Variants in ITGA9 observed in about 807,000 individuals in gnomAD.
ITGA9 encodes integrin subunit alpha 9, also known as integrin alpha-9.
A neutral mutation model predicts 127.8 loss-of-function variants in ITGA9; 56 were observed. The ratio of observed to expected loss-of-function variants is 0.44; its 90% CI spans 0.35 to 0.55. ITGA9 has a LOEUF of 0.55. ITGA9 is among the 20% of genes least tolerant of loss of function. ITGA9 has a pLI of 0.00. For missense variants in ITGA9, 1,196 were observed against 1,347.1 expected (o/e 0.89, Z 1.76); for synonymous variants, 508 against 514.5 (o/e 0.99, Z 0.17).
chr3:37,708,701 A>G (rs1037360792), intron 18 of ITGA9, among the ~76,000 whole-genome samples: 7 of 92 alleles, frequency 0.076, no homozygotes, highest in South Asian at 0.4. Flanking sequence ...TCCAGCCCCA[A>G]TGCCAACAGC....
intron 4 of ITGA9, among the ~76,000 whole-genome samples, chr3:37,482,490 GCT>G (rs1262858445): frequency 6.6e-6 from 1 of 152,186 alleles, no homozygotes; most frequent in Non-Finnish European, 1.5e-5. Flanking sequence ...TTTTGGGTAA[GCT>G]GGAACCTGCT....
Position 37,512,451 on chromosome 3 carries a change from C to T in ITGA9, c.898-1312C>T, listed in dbSNP as rs558768767. On this transcript the variant is annotated intron_variant, in intron 8 of 27. Transcript: ENST00000264741. Reference sequence around the variant, plus strand: ...GCCAGGCTGGTCTCGAACTCCTGGCCTTGTGATCCACCCGCCTCCCAAAGT... The same window carrying T: ...GCCAGGCTGGTCTCGAACTCCTGGCTTTGTGATCCACCCGCCTCCCAAAGT... Among the ~76,000 whole-genome samples, 197 of 151,852 alleles carry T rather than the reference C, an allele frequency of 1.3e-3. 1 individual carries two copies. Among genetic ancestry groups the T allele is most frequent in the African/African-American group, 4.7e-3 (193 of 41,338 alleles).
intron 19 of ITGA9, chr3:37,733,138 C>T: frequency 2.8e-6 from 1 of 358,726 alleles, no homozygotes; most frequent in South Asian, 2.3e-5. Flanking sequence ...CTCTTTGAGT[C>T]CCCTAGACAA....
At chr3:37,797,426 C>T (rs2125559728) in intron 26 of ITGA9, among the ~76,000 whole-genome samples, 1 of 152,224 alleles carries the variant, frequency 6.6e-6, no homozygotes, top group African/African-American at 2.4e-5. Flanking sequence ...CCATTGTATA[C>T]ACTGGGATGC....
chr3:37,472,759 T>C (rs1006935341), intron 2 of ITGA9, among the ~76,000 whole-genome samples: 26 of 152,290 alleles, frequency 1.7e-4, no homozygotes, highest in Non-Finnish European at 2.6e-4. Context: ...AAAAAGAGGT[T>C]TGTGAACTGT....
chr3:37,684,272 T>C (rs1428136251), intron 18 of ITGA9, among the ~76,000 whole-genome samples: 1 of 152,194 alleles, frequency 6.6e-6, no homozygotes, highest in African/African-American at 2.4e-5. Context: ...TCTTGTGGAA[T>C]CCTCTCCCTA....
chr3:37,767,089 C>T (rs558724685), intron 23 of ITGA9, among the ~76,000 whole-genome samples: 17 of 152,280 alleles, frequency 1.1e-4, no homozygotes, highest in African/African-American at 2.6e-4. Flanking sequence ...GCCTGTCACA[C>T]GCAAAGGAAG....
chr3:37,539,883 A>G (rs914496433), intron 14 of ITGA9, among the ~76,000 whole-genome samples: 1 of 152,126 alleles, frequency 6.6e-6, no homozygotes, highest in African/African-American at 2.4e-5. Flanking sequence ...CCCCACATCA[A>G]GGGGCAAGGG....
At chr3:37,517,735 G>GA in intron 10 of ITGA9, 126 bp downstream of exon 10, 1 of 743,642 alleles carries the variant, frequency 1.3e-6, no homozygotes, top group Non-Finnish European at 2.4e-6. Flanking sequence ...GATCCCCTTC[G>GA]AAGGCCCATC....
chr3:37,645,066 G>A (rs1438681265), intron 16 of ITGA9, among the ~76,000 whole-genome samples: 1 of 152,064 alleles, frequency 6.6e-6, no homozygotes, highest in East Asian at 1.9e-4. Context: ...TTACACTCAG[G>A]TCATGGTATT....
At chr3:37,586,266 C>T (rs1001636087) in intron 15 of ITGA9, among the ~76,000 whole-genome samples, 13 of 152,218 alleles carry the variant, frequency 8.5e-5, no homozygotes, top group African/African-American at 2.9e-4. Context: ...CCCAAGCAAA[C>T]AGCCTTTAGC....
intron 15 of ITGA9, among the ~76,000 whole-genome samples, chr3:37,572,304 A>G (rs1226140539): frequency 2.0e-5 from 3 of 152,172 alleles, no homozygotes; most frequent in Non-Finnish European, 4.4e-5. Context: ...GTTCCCAACA[A>G]TTAGATAGGA....
intron 18 of ITGA9, among the ~76,000 whole-genome samples, chr3:37,728,612 T>C (rs1276859829): frequency 2.0e-5 from 3 of 152,280 alleles, no homozygotes; most frequent in East Asian, 3.9e-4. Flanking sequence ...GCAACCTTTA[T>C]AAACTGCAGT....
intron 22 of ITGA9, among the ~76,000 whole-genome samples, chr3:37,744,994 C>T (rs956132477): frequency 2.6e-5 from 4 of 152,194 alleles, no homozygotes; most frequent in Non-Finnish European, 5.9e-5. Flanking sequence ...GTCCATATCT[C>T]CTCACTCTCT....
At chr3:37,706,560 C>T (rs1008961425) in intron 18 of ITGA9, among the ~76,000 whole-genome samples, 2 of 152,126 alleles carry the variant, frequency 1.3e-5, no homozygotes, top group Non-Finnish European at 2.9e-5. Flanking sequence ...AAATGCTTAC[C>T]TATAGGACAG....
intron 23 of ITGA9, among the ~76,000 whole-genome samples, chr3:37,767,463 C>A (rs1043786706): frequency 2.0e-5 from 3 of 152,180 alleles, no homozygotes; most frequent in African/African-American, 4.8e-5. Context: ...AAGTTACGAT[C>A]TTTTCCTTTC....
chr3:37,499,915 A>C (rs1475418208), intron 5 of ITGA9, among the ~76,000 whole-genome samples: 11 of 152,212 alleles, frequency 7.2e-5, no homozygotes. Context: ...AGTCTAAATC[A>C]TCAGAAAGCA....
intron 18 of ITGA9, among the ~76,000 whole-genome samples, chr3:37,699,436 A>G (rs938941555): frequency 5.3e-5 from 8 of 152,206 alleles, no homozygotes; most frequent in African/African-American, 1.4e-4. Flanking sequence ...CACCACATCT[A>G]TTTCTCAAAC....
At chr3:37,648,252 C>G (rs527493039) in intron 16 of ITGA9, among the ~76,000 whole-genome samples, 1 of 151,996 alleles carries the variant, frequency 6.6e-6, no homozygotes, top group Non-Finnish European at 1.5e-5. Flanking sequence ...ATTGTGACTT[C>G]GATTTGAATT....
Sources: allele counts gnomAD v4.1 joint callset (sites outside exome capture counted in the v4.1 genomes callset), GRCh38; gene constraint gnomAD v4.1.1; transcripts MANE v1.5; gene names NCBI Gene and HGNC (gene_info 2026-07-23, HGNC 2026-07-21).